PRRC2C: variants seen among roughly 807,000 people sequenced by gnomAD.
PRRC2C encodes the protein protein PRRC2C.
In PRRC2C, 72 loss-of-function variants were observed where a neutral mutation model predicts 317.2. The ratio of observed to expected loss-of-function variants is 0.23; its 90% CI spans 0.19 to 0.28. The LOEUF is 0.28. Among genes scored for constraint, PRRC2C ranks in the 10% least tolerant of loss-of-function variants. The pLI is 1.00. For missense variants in PRRC2C, 3,074 were observed against 3,459.7 expected, an observed-to-expected ratio of 0.89 and a Z score of 2.80; for synonymous variants, 1,296 against 1,205.9, an observed-to-expected ratio of 1.07 and a Z score of -1.55.
At chr1:171,546,696 C>A (rs948217771) in intron 17 of PRRC2C, among the ~76,000 whole-genome samples, 2 of 152,126 alleles carry the variant, frequency 1.3e-5, no homozygotes, top group African/African-American at 4.8e-5. Context: ...GCATCCCAGA[C>A]GTCAAGCGAT....
rs755976561 is a variant in PRRC2C at position 171,540,588 on chromosome 1, C to A, written c.3122C>A (p.Ala1041Asp). The A allele has an allele frequency of 6.2e-7, 1 of 1,613,628 alleles. No homozygotes were observed. The highest frequency in any genetic ancestry group is 1.3e-5 in the African/African-American group (1 of 74,814). Residue 1041 changes from alanine to aspartate, a missense_variant, in exon 16 of 35, where the codon GCC becomes GAC. Physicochemically the swap from Ala to Asp is moderately radical, Grantham distance 126. Transcript: ENST00000647382. The stretch of plus-strand genomic sequence containing the variant: ...AGGAAGGAGAAAGAAGGAGAAAAGG[C>A]CGAAAAGGTCACTGAAAAAGTAGTT... ...EQRKEKEGEKAEKVTEKVVVK... is the reference protein window; with the variant it reads ...EQRKEKEGEKDEKVTEKVVVK...
intron 1 of PRRC2C, among the ~76,000 whole-genome samples, chr1:171,506,820 A>T (rs537231547): frequency 6.7e-6 from 1 of 149,466 alleles, no homozygotes; most frequent in South Asian, 2.1e-4. Context: ...CAATTGGTGT[A>T]TTTTTTTCTC....
At chr1:171,507,498 C>A (rs1670485328) in intron 1 of PRRC2C, among the ~76,000 whole-genome samples, 1 of 152,106 alleles carries the variant, frequency 6.6e-6, no homozygotes, top group Non-Finnish European at 1.5e-5. Flanking sequence ...GTAGTCCCAA[C>A]TACTTGGGAG....
intron 10 of PRRC2C, among the ~76,000 whole-genome samples, chr1:171,527,096 G>A (rs1210904365): frequency 3.3e-5 from 5 of 151,344 alleles, no homozygotes; most frequent in African/African-American, 7.3e-5. Context: ...ATGAGCCACC[G>A]TGCCCGGCTG....
rs1426665725 is a variant in PRRC2C, at chr1:171,575,013, A to T, written c.6840A>T (p.Ala2280=). The T allele has an allele frequency of 3.1e-6, 5 of 1,613,956 alleles. No individual in the cohort carries two copies. The South Asian group carries it at 5.5e-5, about 18-fold the overall frequency. The change falls in exon 25 of 35, where the codon GCA becomes GCT. Residue 2280 remains alanine (A), a synonymous_variant. Coordinates refer to ENST00000647382, the MANE Select transcript of PRRC2C (RefSeq NM_001387844.1). ...TAACTTCCACAGCACCTCCAATTGC[A>T]ACTGGAGTCAGCAGTAGTGCCAGTG... is the stretch of plus-strand genomic sequence containing the variant. ...SPVTSTAPPI[A]TGVSSSASGP... is the part of the protein sequence containing the mutation.
Position 171,517,754 on chromosome 1 carries a change from T to A in PRRC2C, c.690T>A (p.Ala230=). Residue 230 remains alanine, a synonymous_variant, in exon 6 of 35, where the codon GCT becomes GCA. Coordinates refer to ENST00000647382, the MANE Select transcript of PRRC2C (RefSeq NM_001387844.1). ...EKRIACGPPQ[A]KLNGQQAALA... ...GGATAGCTTGTGGTCCTCCACAGGCTAAACTGAATGGACAGCAGGCTGCTC... is the reference window on the plus strand; with the variant it reads ...GGATAGCTTGTGGTCCTCCACAGGCAAAACTGAATGGACAGCAGGCTGCTC... 1 of 1,613,852 alleles carries A rather than the reference T, an allele frequency of 6.2e-7. No homozygotes were observed.
In PRRC2C at chr1:171,557,431, G is replaced by A. The variant is rs1687057; in HGVS notation, c.5319G>A (p.Pro1773=). The change falls in exon 19 of 35, where the codon CCG becomes CCA. Residue 1773 remains proline, a synonymous_variant. Coordinates refer to ENST00000647382, the MANE Select transcript of PRRC2C (RefSeq NM_001387844.1). Reference sequence around the variant, plus strand: ...CAGCCTCAACCTCAGCTCCACTTCCGGCAACCTTAACTCCAGTTCCAGCCT... The same window carrying A: ...CAGCCTCAACCTCAGCTCCACTTCCAGCAACCTTAACTCCAGTTCCAGCCT... The part of the protein sequence containing the change: ...SVPASTSAPL[P]ATLTPVPAST... 0.82 allele frequency: 1,274,829 copies of A among 1,551,194 alleles called. 524,673 individuals carry two copies. The highest frequency in any genetic ancestry group is 0.89 in the East Asian group (36,582 of 40,882).
chr1:171,532,660 A>G lies in PRRC2C; in HGVS notation c.1572A>G (p.Glu524=), dbSNP rs11546356. The change falls in exon 12 of 35, where the codon GAA becomes GAG. Residue 524 remains glutamate, a synonymous_variant. Coordinates refer to ENST00000647382, the MANE Select transcript of PRRC2C (RefSeq NM_001387844.1). The stretch of plus-strand genomic sequence containing the variant: ...AGCGTGAGAAAGAACTTGAAAAAGA[A>G]CAAGAACAGGAGCGAGAGAAGGAGA... ...EREREKELEK[E]QEQEREKERE... 1 of 1,551,822 alleles carries G rather than the reference A, an allele frequency of 6.4e-7. No individual in the cohort carries two copies. The highest frequency in any genetic ancestry group is 2.4e-5 in the East Asian group (1 of 40,922).
chr1:171,487,332 C>G (rs1333431215), intron 1 of PRRC2C, among the ~76,000 whole-genome samples: 1 of 152,146 alleles, frequency 6.6e-6, no homozygotes, highest in Non-Finnish European at 1.5e-5. Context: ...TGTCTGAACC[C>G]AAAGGGGATG....
intron 22 of PRRC2C, among the ~76,000 whole-genome samples, 153 bp from the exon 23 acceptor site, chr1:171,568,094 A>G (rs950448365): frequency 1.3e-5 from 2 of 152,232 alleles, no homozygotes; most frequent in African/African-American, 4.8e-5. Flanking sequence ...CTCAGGCACA[A>G]GAATCACTTG....
At chr1:171,512,290 C>T (rs1671514529) in intron 2 of PRRC2C, 90 bp downstream of exon 2, 1 of 923,528 alleles carries the variant, frequency 1.1e-6, no homozygotes, top group East Asian at 2.9e-5. Flanking sequence ...CTAGGATGTA[C>T]CCAAGTTAAT....
rs143694227 is a variant in PRRC2C, at chr1:171,582,595, G to T, written c.7410-1361G>T. Among the ~76,000 whole-genome samples, 3 of 152,260 alleles carry T rather than the reference G, an allele frequency of 2.0e-5. No individual in the cohort carries two copies. The South Asian group carries it at 6.2e-4, about 32-fold the overall frequency. ...CTATAAACCCGTGCAGCATTTTACT[G>T]TACTTAATACTGTAGGCAGTTGTAA... On this transcript the variant is annotated intron_variant, in intron 28 of 34. Coordinates refer to ENST00000647382, the MANE Select transcript of PRRC2C (RefSeq NM_001387844.1).
intron 17 of PRRC2C, among the ~76,000 whole-genome samples, chr1:171,547,800 T>C (rs2102554559): frequency 6.6e-6 from 1 of 152,072 alleles, no homozygotes; most frequent in South Asian, 2.1e-4. Flanking sequence ...CATGCCACCA[T>C]GCCCAGCTAA....
rs1199550362 is a variant in PRRC2C at position 171,587,148 on chromosome 1, C to T, written c.7895C>T (p.Ala2632Val). ...QAQAQSLSRP[A>V]QVSQPFRGLI... ...CAGGCTCAGAGTCTGAGTCGTCCTG[C>T]ACAAGTAAGCCAGCCTTTCAGAGGA... is the stretch of plus-strand genomic sequence containing the variant. Residue 2632 changes from alanine to valine, a missense_variant, in exon 31 of 35, where the codon GCA (alanine) becomes GTA (valine). This residue lies in a region of PRRC2C where 490 missense variants were observed against 663.1 expected (regional missense o/e 0.74). Coordinates refer to ENST00000647382, the MANE Select transcript of PRRC2C (RefSeq NM_001387844.1). 44 of 1,611,102 alleles carry T rather than the reference C, an allele frequency of 2.7e-5. No homozygotes were observed. The highest frequency in any genetic ancestry group is 3.7e-5 in the Non-Finnish European group (44 of 1,178,706).
chr1:171,497,853 C>A (rs1011690467), intron 1 of PRRC2C, among the ~76,000 whole-genome samples: 2 of 149,056 alleles, frequency 1.3e-5, no homozygotes, highest in African/African-American at 2.5e-5. Flanking sequence ...CTCCTTTTGT[C>A]CCCCAGGCTG....
At chr1:171,572,466 A>G (rs1684943611) in intron 24 of PRRC2C, among the ~76,000 whole-genome samples, 1 of 152,134 alleles carries the variant, frequency 6.6e-6, no homozygotes, top group African/African-American at 2.4e-5. Context: ...GCCAATATTC[A>G]TTTTGGACTC....
chr1:171,502,504 C>T (rs1399307094), intron 1 of PRRC2C, among the ~76,000 whole-genome samples: 2 of 152,134 alleles, frequency 1.3e-5, no homozygotes, highest in Admixed American at 6.5e-5. Flanking sequence ...CTCTTTGCTG[C>T]CCCTTTTTAC....
At chr1:171,532,077 G>A (rs1675990654) in intron 11 of PRRC2C, among the ~76,000 whole-genome samples, 1 of 152,070 alleles carries the variant, frequency 6.6e-6, no homozygotes, top group Non-Finnish European at 1.5e-5. Context: ...GTTTTATTCA[G>A]CAAATACTGA....
At chr1:171,515,917 T>C (rs1364900137) in intron 5 of PRRC2C, 58 bp downstream of exon 5, 1 of 1,491,696 alleles carries the variant, frequency 6.7e-7, no homozygotes, top group Non-Finnish European at 9.0e-7. Context: ...TATCTTGCAA[T>C]ACAACCTCCT....
Sources: allele counts gnomAD v4.1 joint callset (sites outside exome capture counted in the v4.1 genomes callset), GRCh38; gene constraint gnomAD v4.1.1; regional missense constraint gnomAD v4.1.1; transcripts MANE v1.5; gene names NCBI Gene and HGNC (gene_info 2026-07-23, HGNC 2026-07-21).